The following FAT4 variants were observed in gnomAD, a reference collection of about 807,000 sequenced individuals.
FAT4 encodes protocadherin Fat 4.
In FAT4, 84 loss-of-function variants were observed where a neutral mutation model predicts 303.9. The observed-to-expected ratio is 0.28, with a 90% confidence interval of 0.23 to 0.33. The LOEUF is 0.33. FAT4 is among the 10% of genes least tolerant of loss of function. FAT4 has a pLI of 1.00. For missense variants in FAT4, 6,005 were observed against 6,146.8 expected (o/e 0.98, Z 0.77); for synonymous variants, 2,307 against 2,298.8 (o/e 1.00, Z -0.10).
chr4:125,337,614 G>A (rs1281966910), intron 2 of FAT4, among the ~76,000 whole-genome samples: 3 of 150,126 alleles, frequency 2.0e-5, no homozygotes, highest in African/African-American at 7.3e-5. Flanking sequence ...AAGGTAAGAT[G>A]GAGCCAATAC....
At chr4:125,363,448 TA>T (rs1208444808) in intron 2 of FAT4, among the ~76,000 whole-genome samples, 1 of 151,812 alleles carries the variant, frequency 6.6e-6, no homozygotes, top group Non-Finnish European at 1.5e-5. Flanking sequence ...CATGTTAGTT[TA>T]ATTTTTTTTA....
chr4:125,348,198 C>T (rs1184763097), intron 2 of FAT4, among the ~76,000 whole-genome samples: 11 of 151,862 alleles, frequency 7.2e-5, no homozygotes, highest in Non-Finnish European at 1.5e-5. Context: ...TGTACCAAAA[C>T]ACCTAACATT....
chr4:125,348,786 G>T (rs1413271393), intron 2 of FAT4, among the ~76,000 whole-genome samples: 1 of 151,648 alleles, frequency 6.6e-6, no homozygotes, highest in East Asian at 1.9e-4. Context: ...CTAAAAGGGT[G>T]TGCTGAGTTT....
chr4:125,477,436 A>T, intron 14 of FAT4, 102 bp downstream of exon 14: 4 of 1,037,424 alleles, frequency 3.9e-6, no homozygotes, highest in Non-Finnish European at 5.4e-6. Flanking sequence ...AATCTCTAAA[A>T]ATACCAAATG....
chr4:125,370,927 C>T (rs1297790097), intron 2 of FAT4, among the ~76,000 whole-genome samples: 2 of 152,068 alleles, frequency 1.3e-5, no homozygotes, highest in Admixed American at 6.6e-5. Context: ...AGGCGGGTCA[C>T]CTGAGGTCAG....
chr4:125,486,307 A>G (rs374803796), intron 16 of FAT4, among the ~76,000 whole-genome samples: 2 of 152,082 alleles, frequency 1.3e-5, no homozygotes, highest in African/African-American at 4.8e-5. Flanking sequence ...TTATCTGGAA[A>G]AATTGGCTTT....
intron 2 of FAT4, among the ~76,000 whole-genome samples, chr4:125,336,069 A>T (rs1731565930): frequency 6.6e-6 from 1 of 152,092 alleles, no homozygotes; most frequent in Non-Finnish European, 1.5e-5. Flanking sequence ...TTGTGATGAC[A>T]TTTTTAATGA....
chr4:125,333,555 A>C (rs1731466225), intron 2 of FAT4, among the ~76,000 whole-genome samples: 1 of 152,190 alleles, frequency 6.6e-6, no homozygotes, highest in Non-Finnish European at 1.5e-5. Context: ...TTATAACCAA[A>C]GCAAGAATAT....
intron 2 of FAT4, among the ~76,000 whole-genome samples, chr4:125,379,482 T>C (rs1255963000): frequency 1.3e-5 from 2 of 152,048 alleles, no homozygotes; most frequent in African/African-American, 4.8e-5. Context: ...TTTTTTGAGA[T>C]GGAGTCTTGC....
intron 2 of FAT4, among the ~76,000 whole-genome samples, chr4:125,367,518 C>T (rs566807039): frequency 6.6e-6 from 1 of 152,028 alleles, no homozygotes; most frequent in African/African-American, 2.4e-5. Context: ...CACCTATTAA[C>T]GTGCCAAGAA....
intron 2 of FAT4, among the ~76,000 whole-genome samples, chr4:125,358,696 A>G (rs913311602): frequency 6.6e-6 from 1 of 152,034 alleles, no homozygotes; most frequent in Non-Finnish European, 1.5e-5. Context: ...CTCACCGCTC[A>G]CCTCCTGCTG....
chr4:125,486,618 A>G (rs2126091984), intron 16 of FAT4, among the ~76,000 whole-genome samples: 1 of 152,274 alleles, frequency 6.6e-6, no homozygotes, highest in African/African-American at 2.4e-5. Context: ...TCTACTCAGG[A>G]TACTGGAAAC....
intron 2 of FAT4, among the ~76,000 whole-genome samples, chr4:125,348,566 T>G (rs1443155029): frequency 6.6e-6 from 1 of 151,706 alleles, no homozygotes; most frequent in East Asian, 1.9e-4. Flanking sequence ...ACTCTAGGTA[T>G]GACCACTCAA....
At chr4:125,436,933 C>A (rs531215055) in intron 8 of FAT4, among the ~76,000 whole-genome samples, 1 of 152,250 alleles carries the variant, frequency 6.6e-6, no homozygotes, top group Non-Finnish European at 1.5e-5. Context: ...CAGCTCACTG[C>A]AGCCTCTGCT....
chr4:125,450,698 G>C lies in FAT4; in HGVS notation c.9688G>C (p.Val3230Leu), dbSNP rs1184958059. Residue 3230 changes from valine to leucine, a missense_variant, in exon 10 of 18, where the codon GTG becomes CTG. Val to Leu is a conservative substitution (Grantham distance 32). Coordinates refer to ENST00000394329, the MANE Select transcript of FAT4 (RefSeq NM_001291303.3). ...ATDADSGTNA[V>L]IAYTVQSSDS... The stretch of plus-strand genomic sequence containing the variant: ...AGATGCTGACTCTGGAACAAATGCT[G>C]TGATTGCGTATACTGTACAGTCATC... 2 of 1,614,078 alleles carry C rather than the reference G, an allele frequency of 1.2e-6. No homozygotes were observed. Among genetic ancestry groups the C allele is most frequent in the Non-Finnish European group, 1.7e-6 (2 of 1,180,012 alleles).
intron 16 of FAT4, among the ~76,000 whole-genome samples, chr4:125,485,369 A>T (rs1210780666): frequency 6.6e-6 from 1 of 152,084 alleles, no homozygotes; most frequent in East Asian, 1.9e-4. Context: ...TTCTTTCCTT[A>T]TACCCTTATT....
intron 2 of FAT4, among the ~76,000 whole-genome samples, chr4:125,337,103 G>T (rs542998872): frequency 6.6e-6 from 1 of 151,962 alleles, no homozygotes; most frequent in Admixed American, 6.6e-5. Flanking sequence ...GTCTTCAATT[G>T]TTATAAATCA....
intron 2 of FAT4, among the ~76,000 whole-genome samples, chr4:125,347,608 T>C (rs1732054395): frequency 6.6e-6 from 1 of 151,584 alleles, no homozygotes; most frequent in Admixed American, 6.6e-5. Flanking sequence ...ATATAAATCA[T>C]AAATAAAAAT....
chr4:125,340,600 A>G (rs1454432946), intron 2 of FAT4, among the ~76,000 whole-genome samples: 2 of 152,072 alleles, frequency 1.3e-5, no homozygotes, highest in Non-Finnish European at 2.9e-5. Flanking sequence ...GTTAGCCAGG[A>G]TGGTCTCGAT....
Sources: allele counts gnomAD v4.1 joint callset (sites outside exome capture counted in the v4.1 genomes callset), GRCh38; gene constraint gnomAD v4.1.1; transcripts MANE v1.5; gene names NCBI Gene and HGNC (gene_info 2026-07-23, HGNC 2026-07-21).